Variants in DMD observed in about 807,000 individuals in gnomAD.
The protein encoded by DMD is mutant dystrophin.
In DMD, 63 loss-of-function variants were observed where a neutral mutation model predicts 330.1. That is an observed-to-expected ratio of 0.19 (90% CI 0.16 to 0.24). The LOEUF is 0.24. DMD is among the 10% of genes least tolerant of loss of function. The pLI, the probability that DMD is intolerant of heterozygous loss-of-function variation, is 1.00. For missense variants in DMD, 3,344 were observed against 2,684.1 expected (o/e 1.25, Z -5.43); for synonymous variants, 1,223 against 959.8 (o/e 1.27, Z -5.07).
At chrX:33,161,206 A>T (rs945574951) in intron 1 of DMD, among the ~76,000 whole-genome samples, 9 of 111,846 alleles carry the variant, frequency 8.0e-5, no homozygotes, top group African/African-American at 2.9e-4. Flanking sequence ...TCAATTAGTC[A>T]CATCATTTAT....
intron 9 of DMD, among the ~76,000 whole-genome samples, chrX:32,668,906 A>G (rs2061474546): frequency 9.0e-6 from 1 of 111,349 alleles, no homozygotes; most frequent in African/African-American, 3.3e-5. Context: ...TCGAAGCTGT[A>G]TGCTGAATGT....
Position 32,614,346 on chromosome X carries a change from C to T in DMD, c.1439G>A (p.Gly480Glu), listed in dbSNP as rs1569310654. The T allele has an allele frequency of 8.3e-7, 1 of 1,208,275 alleles. No homozygotes were observed. Among genetic ancestry groups the T allele is most frequent in the Admixed American group, 2.2e-5 (1 of 45,668 alleles). Residue 480 changes from glycine to glutamate, a missense_variant, in exon 12 of 79, where the codon GGA becomes GAA. Gly to Glu is a moderately conservative substitution (Grantham distance 98, BLOSUM62 -2). Coordinates refer to ENST00000357033, the MANE Select transcript of DMD (RefSeq NM_004006.3). ...GCGTTTTAGGTCTTCAAGATCAGGT[C>T]CAAGAGGCTCTTCCTCCATTTTCCT... ...RTRKMEEEPLGPDLEDLKRQV... is the reference protein window; with the variant it reads ...RTRKMEEEPLEPDLEDLKRQV...
intron 9 of DMD, among the ~76,000 whole-genome samples, chrX:32,658,129 A>G (rs1316340748): frequency 2.7e-5 from 3 of 111,551 alleles, no homozygotes; most frequent in Admixed American, 9.6e-5. Context: ...GAACCTAAAC[A>G]TAAATATTCC....
chrX:32,766,235 A>C (rs1351247229), intron 7 of DMD, among the ~76,000 whole-genome samples: 4 of 111,436 alleles, frequency 3.6e-5, no homozygotes, highest in African/African-American at 6.5e-5. Flanking sequence ...CAGAAAAACT[A>C]ATTGGGATTT....
chrX:33,103,897 A>C (rs962384945), intron 1 of DMD, among the ~76,000 whole-genome samples: 2 of 112,176 alleles, frequency 1.8e-5, no homozygotes, highest in African/African-American at 3.2e-5. Flanking sequence ...AAAAATAATG[A>C]TAAATCTAGC....
intron 62 of DMD, among the ~76,000 whole-genome samples, chrX:31,264,561 C>G (rs978472092): frequency 5.4e-5 from 6 of 112,149 alleles, no homozygotes; most frequent in African/African-American, 1.9e-4. Flanking sequence ...GGTTCCAAAG[C>G]CTGGCATCAG....
intron 55 of DMD, among the ~76,000 whole-genome samples, chrX:31,554,321 G>A (rs2074674095): frequency 8.9e-6 from 1 of 111,850 alleles, no homozygotes. Flanking sequence ...TCATTGGCTT[G>A]GGGTACAGCT....
intron 15 of DMD, among the ~76,000 whole-genome samples, chrX:32,571,954 G>T (rs761092747): frequency 9.0e-6 from 1 of 111,642 alleles, no homozygotes; most frequent in Non-Finnish European, 1.9e-5. Context: ...CTACCAAAAA[G>T]AATTACAAAA....
intron 42 of DMD, among the ~76,000 whole-genome samples, chrX:32,302,893 A>G (rs1273478559): frequency 9.0e-6 from 1 of 111,062 alleles, no homozygotes; most frequent in Admixed American, 9.6e-5. Flanking sequence ...ATCTTATGTT[A>G]CTTGCCCAAG....
At chrX:32,123,324 T>G (rs2096647232) in intron 44 of DMD, among the ~76,000 whole-genome samples, 1 of 101,519 alleles carries the variant, frequency 9.9e-6, no homozygotes, top group Non-Finnish European at 2.0e-5. Flanking sequence ...TTAACTTGAG[T>G]GTGCGTTAGA....
chrX:32,099,205 G>A (rs1199654654), intron 44 of DMD, among the ~76,000 whole-genome samples: 1 of 111,687 alleles, frequency 9.0e-6, no homozygotes, highest in Non-Finnish European at 1.9e-5. Flanking sequence ...GGTGTGAGAT[G>A]GTATCTCATT....
At chrX:32,879,015 A>AAAAAC (rs1316094045) in intron 2 of DMD, among the ~76,000 whole-genome samples, 1 of 104,206 alleles carries the variant, frequency 9.6e-6, no homozygotes. Flanking sequence ...CTCAAAAAAA[A>AAAAAC]AACAAAAAAC....
intron 1 of DMD, among the ~76,000 whole-genome samples, chrX:33,278,529 C>T (rs928127843): frequency 2.7e-5 from 3 of 111,650 alleles, no homozygotes; most frequent in Non-Finnish European, 5.6e-5. Flanking sequence ...TTTTTTATTG[C>T]TGCATAGGAT....
chrX:31,366,020 A>T (rs1470463035), intron 60 of DMD, among the ~76,000 whole-genome samples: 1 of 112,434 alleles, frequency 8.9e-6, no homozygotes, highest in Admixed American at 9.4e-5. Flanking sequence ...TTGCACATCA[A>T]TTTATGTTTT....
At chrX:32,022,402 A>T (rs949222615) in intron 44 of DMD, among the ~76,000 whole-genome samples, 7 of 112,232 alleles carry the variant, frequency 6.2e-5, no homozygotes, top group African/African-American at 2.3e-4. Flanking sequence ...ACTCAATCTG[A>T]CCATACAATT....
chrX:32,731,051 C>T (rs192247088), intron 7 of DMD, among the ~76,000 whole-genome samples: 181 of 111,410 alleles, frequency 1.6e-3, no homozygotes, highest in African/African-American at 5.1e-3. Context: ...TCAGTGGGTG[C>T]GTGCACCGTG....
chrX:31,287,665 C>A (rs1422087694), intron 62 of DMD, among the ~76,000 whole-genome samples: 5 of 112,180 alleles, frequency 4.5e-5, no homozygotes, highest in Admixed American at 1.9e-4. Context: ...TATAAATCCT[C>A]TTTTTCTGAT....
chrX:32,364,840 A>G (rs1008407107), intron 35 of DMD, 130 bp from the exon 36 acceptor site: 1 of 787,676 alleles, frequency 1.3e-6, no homozygotes, highest in Non-Finnish European at 1.8e-6. Flanking sequence ...TGGTATTTTC[A>G]TATAGAATAT....
rs981099843 is a variant in DMD at position 32,484,784 on chromosome X, T to A, written c.2803+135A>T. 12 of 654,783 alleles carry A rather than the reference T, an allele frequency of 1.8e-5. No homozygotes were observed. In the African/African-American group the frequency reaches 2.4e-4, roughly 13 times the overall value. 54.0% of individuals were successfully genotyped at this position (654,783 alleles called of 1,213,427 possible). ...CTTATCTGTTACACCAGTATTTCGT[T>A]CCTTGTTAATACAGGTTGTAGGGAG... On this transcript the variant is annotated intron_variant, in intron 21 of 78. Transcript: ENST00000357033.
Sources: allele counts gnomAD v4.1 joint callset (sites outside exome capture counted in the v4.1 genomes callset), GRCh38; gene constraint gnomAD v4.1.1; transcripts MANE v1.5; gene names NCBI Gene and HGNC (gene_info 2026-07-23, HGNC 2026-07-21).